The following DMD variants were observed in gnomAD, a reference collection of about 807,000 sequenced individuals.
DMD encodes mutant dystrophin.
A neutral mutation model predicts 330.1 loss-of-function variants in DMD; 63 were observed. That is an observed-to-expected ratio of 0.19 (90% CI 0.16 to 0.24). DMD has a LOEUF of 0.24. DMD is among the 10% of genes least tolerant of loss of function. DMD has a pLI of 1.00. For missense variants in DMD, 3,344 were observed against 2,684.1 expected (o/e 1.25, Z -5.43); for synonymous variants, 1,223 against 959.8 (o/e 1.27, Z -5.07).
intron 1 of DMD, among the ~76,000 whole-genome samples, chrX:33,301,752 C>T (rs1184175739): frequency 2.7e-5 from 3 of 111,174 alleles, no homozygotes; most frequent in Admixed American, 9.6e-5. Flanking sequence ...AGTTAGTTCT[C>T]GGTTCTCACC....
chrX:31,822,597 G>A (rs1043718769), intron 49 of DMD, among the ~76,000 whole-genome samples: 2 of 106,692 alleles, frequency 1.9e-5, no homozygotes, highest in African/African-American at 6.9e-5. Context: ...ATGGTAACTG[G>A]AGTGGGAAGT....
intron 1 of DMD, among the ~76,000 whole-genome samples, chrX:33,107,312 C>G (rs990402588): frequency 4.9e-5 from 2 of 40,454 alleles, no homozygotes; most frequent in African/African-American, 3.1e-4. Context: ...AGCTCTGTCC[C>G]CCCCCCCCCC....
intron 54 of DMD, among the ~76,000 whole-genome samples, chrX:31,656,909 T>G (rs1428418189): frequency 9.0e-6 from 1 of 111,503 alleles, no homozygotes; most frequent in Non-Finnish European, 1.9e-5. Flanking sequence ...AGAGTTGCTC[T>G]ATTCCCCAGG....
intron 7 of DMD, among the ~76,000 whole-genome samples, chrX:32,701,938 G>A (rs2064173799): frequency 9.0e-6 from 1 of 111,309 alleles, no homozygotes; most frequent in Non-Finnish European, 1.9e-5. Context: ...CCAAACTATT[G>A]CCATTTTGCC....
chrX:31,339,854 C>T (rs781584231), intron 61 of DMD, among the ~76,000 whole-genome samples: 15 of 112,651 alleles, frequency 1.3e-4, no homozygotes, highest in East Asian at 2.8e-4. Context: ...GGATTACTGG[C>T]GTGAGCCACC....
intron 61 of DMD, among the ~76,000 whole-genome samples, chrX:31,347,547 C>T (rs1039577983): frequency 7.1e-5 from 8 of 112,209 alleles, no homozygotes; most frequent in Non-Finnish European, 1.3e-4. Context: ...CCAGTTCCAT[C>T]CATGTTGCTG....
intron 50 of DMD, among the ~76,000 whole-genome samples, chrX:31,816,794 T>TCTCACACACACACACACACA (rs1556914952): frequency 0.013 from 1,139 of 85,318 alleles, 8 homozygotes; most frequent in Middle Eastern, 0.039. Context: ...CAAGATTCTG[T>TCTCACACACACACACACACA]CACACACACA....
intron 50 of DMD, among the ~76,000 whole-genome samples, chrX:31,816,271 C>T (rs185432468): frequency 9.0e-6 from 1 of 110,976 alleles, no homozygotes; most frequent in African/African-American, 3.3e-5. Context: ...ACAATTTATA[C>T]AGCTCAGGCA....
At chrX:31,495,663 C>T (rs146058774) in intron 57 of DMD, among the ~76,000 whole-genome samples, 73 of 111,659 alleles carry the variant, frequency 6.5e-4, no homozygotes, top group Non-Finnish European at 1.1e-3. Context: ...ATACTGAGTA[C>T]CAAAATAGGA....
intron 44 of DMD, among the ~76,000 whole-genome samples, chrX:32,002,471 C>A (rs750581659): frequency 3.3e-4 from 37 of 111,771 alleles, no homozygotes; most frequent in African/African-American, 1.2e-3. Flanking sequence ...GGTAGCATAT[C>A]ATCTTTACAC....
intron 61 of DMD, among the ~76,000 whole-genome samples, chrX:31,331,029 T>C (rs1437567702): frequency 2.7e-5 from 3 of 112,463 alleles, no homozygotes; most frequent in African/African-American, 9.7e-5. Flanking sequence ...AGACTTTCCA[T>C]AAAGATTTCA....
chrX:31,654,633 T>C (rs1018401741), intron 54 of DMD, among the ~76,000 whole-genome samples: 5 of 111,723 alleles, frequency 4.5e-5, no homozygotes, highest in Non-Finnish European at 7.5e-5. Flanking sequence ...CTGGAGGCCA[T>C]TGTCCTTATC....
chrX:32,070,999 C>A (rs907826742), intron 44 of DMD, among the ~76,000 whole-genome samples: 28 of 111,318 alleles, frequency 2.5e-4, no homozygotes, highest in African/African-American at 8.2e-4. Flanking sequence ...TGAACTCATC[C>A]TTTTTTATGG....
At chrX:33,147,597 C>T (rs970589415) in intron 1 of DMD, among the ~76,000 whole-genome samples, 1 of 111,555 alleles carries the variant, frequency 9.0e-6, no homozygotes, top group Non-Finnish European at 1.9e-5. Flanking sequence ...ATAACACACA[C>T]CAGGGAGTAA....
chrX:31,364,785 A>C (rs770350984), intron 60 of DMD, among the ~76,000 whole-genome samples: 1 of 111,450 alleles, frequency 9.0e-6, no homozygotes, highest in Non-Finnish European at 1.9e-5. Context: ...CCCCAGTCTC[A>C]TTATGAAGAA....
chrX:32,333,158 GTTTA>G (rs1176068346), intron 41 of DMD, among the ~76,000 whole-genome samples: 2 of 111,523 alleles, frequency 1.8e-5, no homozygotes, highest in Non-Finnish European at 3.8e-5. Flanking sequence ...CACGGTAAAT[GTTTA>G]TTTAAGACTT....
intron 64 of DMD, among the ~76,000 whole-genome samples, chrX:31,216,285 A>G: frequency 8.9e-6 from 1 of 112,451 alleles, no homozygotes; most frequent in South Asian, 3.7e-4. Context: ...AACGGAACCT[A>G]CGAGGTGTTC....
intron 12 of DMD, among the ~76,000 whole-genome samples, chrX:32,598,587 T>C (rs1020397224): frequency 8.9e-6 from 1 of 112,236 alleles, no homozygotes; most frequent in Non-Finnish European, 1.9e-5. Context: ...AAATTGCTTT[T>C]TCACAATTTT....
At chrX:31,429,054 G>A (rs1342187628) in intron 60 of DMD, among the ~76,000 whole-genome samples, 3 of 109,677 alleles carry the variant, frequency 2.7e-5, no homozygotes, top group Admixed American at 1.9e-4. Context: ...CCCAGCAGGC[G>A]GAGGTTGCAG....
Sources: gnomAD v4.1 joint callset for allele counts (sites outside exome capture counted in the v4.1 genomes callset) on GRCh38, gnomAD v4.1.1 for gene constraint, MANE v1.5 for transcripts, NCBI Gene and HGNC (gene_info 2026-07-23, HGNC 2026-07-21) for gene names.